The following JAK1 variants were observed in gnomAD, a reference collection of about 807,000 sequenced individuals.
JAK1 encodes the protein Janus kinase 1, also known as tyrosine-protein kinase JAK1.
JAK1 carries 16 observed loss-of-function variants against 136.6 expected under a neutral mutation model. That is an observed-to-expected ratio of 0.12 (90% CI 0.08 to 0.18). JAK1 has a LOEUF of 0.18. Ranked by LOEUF, JAK1 falls within the 10% of genes least tolerant of loss-of-function variation. JAK1 has a pLI of 1.00. For missense variants in JAK1, 859 were observed against 1,450.1 expected, an observed-to-expected ratio of 0.59 and a Z score of 6.62; for synonymous variants, 492 against 519.5, an observed-to-expected ratio of 0.95 and a Z score of 0.72.
At chr1:64,847,709 C>G in intron 12 of JAK1, 34 bp from the exon 13 acceptor site, 1 of 1,609,006 alleles carries the variant, frequency 6.2e-7, no homozygotes, top group South Asian at 1.1e-5. Flanking sequence ...GGTGACCTCT[C>G]TGTGCCCTGA....
intron 2 of JAK1, among the ~76,000 whole-genome samples, chr1:64,980,762 C>A (rs1646537904): frequency 6.6e-6 from 1 of 151,888 alleles, no homozygotes; most frequent in African/African-American, 2.4e-5. Flanking sequence ...TGTGATGTTC[C>A]CCTTCCTGTG....
At chr1:65,052,978 C>T (rs781276744) in intron 1 of JAK1, among the ~76,000 whole-genome samples, 4 of 140,860 alleles carry the variant, frequency 2.8e-5, no homozygotes, top group Non-Finnish European at 6.1e-5. Context: ...TTGCAGTGAG[C>T]CAAGATCACG....
chr1:64,919,369 G>C (rs1468458815), intron 1 of JAK1, among the ~76,000 whole-genome samples: 1 of 152,178 alleles, frequency 6.6e-6, no homozygotes, highest in African/African-American at 2.4e-5. Flanking sequence ...TGGTTGCATA[G>C]TATTCCATGG....
intron 2 of JAK1, chr1:64,993,241 C>T (rs377537925): frequency 3.9e-5 from 6 of 152,106 alleles, no homozygotes; most frequent in African/African-American, 1.4e-4. Flanking sequence ...TTTATAAAAC[C>T]GTGTATGGTA....
intron 2 of JAK1, among the ~76,000 whole-genome samples, chr1:65,042,392 C>G (rs935030666): frequency 1.3e-5 from 2 of 148,696 alleles, no homozygotes; most frequent in South Asian, 2.1e-4. Flanking sequence ...TATGAAAAAC[C>G]AGGCACTCTT....
At chr1:64,956,423 C>T (rs1646189267) in intron 1 of JAK1, among the ~76,000 whole-genome samples, 1 of 152,206 alleles carries the variant, frequency 6.6e-6, no homozygotes, top group Non-Finnish European at 1.5e-5. Context: ...CTGCCTAGTA[C>T]ATTTTTCTTA....
At chr1:64,963,432 A>G (rs1646317947) in intron 1 of JAK1, among the ~76,000 whole-genome samples, 1 of 151,932 alleles carries the variant, frequency 6.6e-6, no homozygotes, top group African/African-American at 2.4e-5. Flanking sequence ...TAAAAAGTAC[A>G]TGTTCTGACA....
At chr1:65,014,284 T>C (rs183556824) in intron 2 of JAK1, among the ~76,000 whole-genome samples, 2 of 150,944 alleles carry the variant, frequency 1.3e-5, no homozygotes, top group Non-Finnish European at 2.9e-5. Context: ...AACCTATTAA[T>C]GAAATTAATT....
At chr1:65,056,915 T>C (rs1171407874) in intron 1 of JAK1, among the ~76,000 whole-genome samples, 2 of 117,394 alleles carry the variant, frequency 1.7e-5, no homozygotes, top group South Asian at 3.4e-4. Context: ...AGACTGAGAC[T>C]CTTTCTTTAA....
At chr1:64,863,225 T>C (rs1489614073) in intron 8 of JAK1, among the ~76,000 whole-genome samples, 3 of 144,640 alleles carry the variant, frequency 2.1e-5, no homozygotes, top group Non-Finnish European at 4.5e-5. Context: ...GGGGGCCTAA[T>C]ATCCAGGATG....
At chr1:64,909,316 C>T (rs1323914837) in intron 1 of JAK1, among the ~76,000 whole-genome samples, 2 of 152,062 alleles carry the variant, frequency 1.3e-5, no homozygotes, top group Non-Finnish European at 2.9e-5. Flanking sequence ...GGCTCAGAGG[C>T]AAGCACAGCT....
intron 5 of JAK1, among the ~76,000 whole-genome samples, chr1:64,871,517 T>G (rs1333242584): frequency 6.6e-6 from 1 of 152,216 alleles, no homozygotes; most frequent in Non-Finnish European, 1.5e-5. Flanking sequence ...TCTCCACTTG[T>G]ATGTTTCACA....
intron 1 of JAK1, among the ~76,000 whole-genome samples, chr1:64,933,005 C>T (rs1645725126): frequency 6.6e-6 from 1 of 152,092 alleles, no homozygotes; most frequent in African/African-American, 2.4e-5. Context: ...AAGTACAGAA[C>T]CTCCGAGAAA....
rs1487495150 is a variant in JAK1 at position 64,894,008 on chromosome 1, A to C, written c.-77-7667T>G. On this transcript the variant is annotated intron_variant, in intron 1 of 24. Coordinates refer to ENST00000342505, the MANE Select transcript of JAK1 (RefSeq NM_002227.4). The stretch of plus-strand genomic sequence containing the variant: ...CATTTAGGGCAGACACAAATCTAAC[A>C]TGCTTCCTATATCCACTCAGTGTTC... 2.6e-5 allele frequency among the ~76,000 whole-genome samples: 4 copies of C among 152,326 alleles called. No individual in the cohort carries two copies. In the South Asian group the frequency reaches 8.3e-4, roughly 32 times the overall value.
At chr1:64,947,049 A>G (rs1646000619) in intron 1 of JAK1, among the ~76,000 whole-genome samples, 1 of 152,214 alleles carries the variant, frequency 6.6e-6, no homozygotes, top group African/African-American at 2.4e-5. Context: ...AGTTGGCAGG[A>G]GCTAGCAGGA....
intron 2 of JAK1, among the ~76,000 whole-genome samples, chr1:65,038,148 GT>G (rs1647093248): frequency 6.7e-6 from 1 of 149,926 alleles, no homozygotes; most frequent in African/African-American, 2.5e-5. Flanking sequence ...CCCAAGCTTG[GT>G]TTAATGCTCT....
chr1:64,898,254 T>A (rs555787408), intron 1 of JAK1, among the ~76,000 whole-genome samples: 36 of 152,306 alleles, frequency 2.4e-4, no homozygotes, highest in Admixed American at 5.9e-4. Context: ...TGACTCATCC[T>A]CCTCTGCTAG....
chr1:64,880,507 T>A (rs766704431), intron 3 of JAK1, among the ~76,000 whole-genome samples: 7 of 152,222 alleles, frequency 4.6e-5, no homozygotes, highest in Non-Finnish European at 1.0e-4. Context: ...ATTTTAACCA[T>A]GGAACTGTCT....
intron 1 of JAK1, chr1:64,942,121 G>C (rs1285098664): frequency 6.6e-6 from 1 of 152,208 alleles, no homozygotes; most frequent in Non-Finnish European, 1.5e-5. Context: ...ATTTACATTT[G>C]AATGATGAAA....
Sources: allele counts gnomAD v4.1 joint callset (sites outside exome capture counted in the v4.1 genomes callset), GRCh38; gene constraint gnomAD v4.1.1; transcripts MANE v1.5; gene names NCBI Gene and HGNC (gene_info 2026-07-23, HGNC 2026-07-21).